The following FAM241A variants were observed in gnomAD, a reference collection of about 807,000 sequenced individuals.
FAM241A encodes family with sequence similarity 241 member A, also known as uncharacterized protein FAM241A.
Under a neutral mutation model 12.2 loss-of-function variants are expected in FAM241A, and 7 were observed. That is an observed-to-expected ratio of 0.58 (90% CI 0.33 to 1.08). The LOEUF is 1.08. Among genes scored for constraint, FAM241A ranks in the 50% least tolerant of loss-of-function variants. The pLI is 0.04. For missense variants in FAM241A, 161 were observed against 169.7 expected (o/e 0.95, Z 0.29); for synonymous variants, 74 against 68.2 (o/e 1.08, Z -0.42).
At chr4:112,156,185 T>C (rs1315889702) in intron 1 of FAM241A, among the ~76,000 whole-genome samples, 1 of 152,232 alleles carries the variant, frequency 6.6e-6, no homozygotes, top group Admixed American at 6.5e-5. Flanking sequence ...ATATTTCTTA[T>C]TGTGGATGAC....
intron 1 of FAM241A, among the ~76,000 whole-genome samples, chr4:112,155,850 AAGTT>A (rs1175429559): frequency 6.6e-6 from 1 of 152,224 alleles, no homozygotes; most frequent in Non-Finnish European, 1.5e-5. Context: ...TTAGAGGTAT[AAGTT>A]AGTTCAGTAT....
intron 1 of FAM241A, among the ~76,000 whole-genome samples, chr4:112,151,038 A>G (rs1723236729): frequency 6.6e-6 from 1 of 152,206 alleles, no homozygotes; most frequent in Non-Finnish European, 1.5e-5. Flanking sequence ...AACAGCATTA[A>G]TATAGTTTGG....
At chr4:112,158,699 T>C (rs1284505934) in intron 1 of FAM241A, among the ~76,000 whole-genome samples, 1 of 152,182 alleles carries the variant, frequency 6.6e-6, no homozygotes, top group Non-Finnish European at 1.5e-5. Flanking sequence ...TTATTCTTAT[T>C]TTTTCATTGC....
intron 1 of FAM241A, among the ~76,000 whole-genome samples, chr4:112,167,330 A>G (rs947600090): frequency 3.3e-5 from 5 of 152,150 alleles, no homozygotes; most frequent in African/African-American, 7.2e-5. Flanking sequence ...TCAGAAGGGA[A>G]TGGGCCAGCG....
At chr4:112,176,399 T>G (rs1024699776) in intron 1 of FAM241A, among the ~76,000 whole-genome samples, 11 of 152,220 alleles carry the variant, frequency 7.2e-5, no homozygotes, top group Admixed American at 7.2e-4. Flanking sequence ...AAAGTAGGTA[T>G]TATTATACAC....
chr4:112,185,491 A>G (rs1724019875), intron 1 of FAM241A, among the ~76,000 whole-genome samples: 1 of 152,246 alleles, frequency 6.6e-6, no homozygotes, highest in African/African-American at 2.4e-5. Flanking sequence ...AACGCATGCT[A>G]AAGTTTAAAA....
chr4:112,186,353 C>T (rs1263781184), intron 1 of FAM241A, among the ~76,000 whole-genome samples: 1 of 152,092 alleles, frequency 6.6e-6, no homozygotes, highest in Non-Finnish European at 1.5e-5. Context: ...ATCTGAGGCT[C>T]GGTTTCTTAA....
chr4:112,182,771 C>G (rs191676773), intron 1 of FAM241A, among the ~76,000 whole-genome samples: 1 of 152,082 alleles, frequency 6.6e-6, no homozygotes, highest in Non-Finnish European at 1.5e-5. Flanking sequence ...AATTGGCAAA[C>G]GCTGTAAAAT....
chr4:112,171,217 TG>T (rs1661092385), intron 1 of FAM241A: 1 of 709,274 alleles, frequency 1.4e-6, no homozygotes, highest in Non-Finnish European at 2.6e-6. Context: ...CCTGCAAACA[TG>T]GTAAACATTC....
rs1319622042 is a variant in FAM241A, at chr4:112,145,471, C to G, written c.-110C>G. 58 of 1,098,152 alleles carry G rather than the reference C, an allele frequency of 5.3e-5. No individual in the cohort carries two copies. Among genetic ancestry groups the G allele is most frequent in the Non-Finnish European group, 6.6e-5 (58 of 877,898 alleles). The allele number at this position is 1,098,152 out of a possible 1,614,324, so 68.0% of individuals were successfully genotyped here. A position where few individuals can be genotyped will look rare whatever the true frequency, so the allele number is the denominator to read the frequency against. On this transcript the variant is annotated 5_prime_UTR_variant, in exon 1 of 2. Transcript: ENST00000309733. ...CGGGGCGCGCTCCGGCGGCTCCTGT[C>G]AGCGGCGGGTGCGGCGGATCCCAGG...
intron 1 of FAM241A, among the ~76,000 whole-genome samples, chr4:112,159,113 G>A (rs1723410850): frequency 6.6e-6 from 1 of 152,102 alleles, no homozygotes; most frequent in Non-Finnish European, 1.5e-5. Flanking sequence ...AAATAAAGTG[G>A]TCATGGAAGA....
At chr4:112,158,851 ATTCTC>A (rs1723405623) in intron 1 of FAM241A, among the ~76,000 whole-genome samples, 1 of 152,110 alleles carries the variant, frequency 6.6e-6, no homozygotes, top group South Asian at 2.1e-4. Context: ...ACATTCAAAT[ATTCTC>A]TTCTAGCTTT....
intron 1 of FAM241A, among the ~76,000 whole-genome samples, chr4:112,168,766 G>C (rs2110428600): frequency 6.6e-6 from 1 of 152,234 alleles, no homozygotes; most frequent in East Asian, 1.9e-4. Context: ...CCGGATTCAA[G>C]CGATTCTCCC....
chr4:112,179,685 T>C (rs933269857), intron 1 of FAM241A, among the ~76,000 whole-genome samples: 2 of 150,792 alleles, frequency 1.3e-5, no homozygotes, highest in African/African-American at 4.9e-5. Flanking sequence ...TGTGCACATG[T>C]ACCCTAGAAC....
At chr4:112,161,200 G>A (rs1453397077) in intron 1 of FAM241A, among the ~76,000 whole-genome samples, 1 of 152,164 alleles carries the variant, frequency 6.6e-6, no homozygotes, top group African/African-American at 2.4e-5. Flanking sequence ...ATGCCCATAA[G>A]AGAAAGCAGG....
chr4:112,148,621 G>C (rs1018266778), intron 1 of FAM241A, among the ~76,000 whole-genome samples: 2 of 152,192 alleles, frequency 1.3e-5, no homozygotes, highest in African/African-American at 2.4e-5. Context: ...AATAGGATCA[G>C]GTGTCTAAAG....
intron 1 of FAM241A, among the ~76,000 whole-genome samples, chr4:112,177,617 T>C (rs1304698462): frequency 6.6e-6 from 1 of 152,114 alleles, no homozygotes; most frequent in Non-Finnish European, 1.5e-5. Context: ...TAAAACACAA[T>C]GCATGTTACA....
At position 112,192,736 on chromosome 4, in the gene FAM241A, C is replaced by T. The variant is rs1188620213; in HGVS notation, c.*5798C>T. ...GTATATGTGCCACATTTTCTTAATC[C>T]AGTCTATCATTGTTGGACATTTGGG... On this transcript the variant is annotated 3_prime_UTR_variant, in exon 2 of 2. Coordinates refer to ENST00000309733, the MANE Select transcript of FAM241A (RefSeq NM_152400.3). The T allele has an allele frequency of 6.6e-6, 1 of 150,692 alleles. No individual in the cohort carries two copies. The highest frequency in any genetic ancestry group is 1.5e-5 in the Non-Finnish European group (1 of 67,554). 9.3% of individuals were successfully genotyped at this position (150,692 alleles called of 1,614,324 possible). A position where few individuals can be genotyped will look rare whatever the true frequency, so the allele number is the denominator to read the frequency against.
At chr4:112,159,503 C>T (rs1363346628) in intron 1 of FAM241A, among the ~76,000 whole-genome samples, 1 of 152,176 alleles carries the variant, frequency 6.6e-6, no homozygotes, top group East Asian at 1.9e-4. Flanking sequence ...ACCAGTATCT[C>T]TGATGACTAT....
Sources: gnomAD v4.1 joint callset for allele counts (sites outside exome capture counted in the v4.1 genomes callset) on GRCh38, gnomAD v4.1.1 for gene constraint, MANE v1.5 for transcripts, NCBI Gene and HGNC (gene_info 2026-07-23, HGNC 2026-07-21) for gene names.